Variants in RBM41 observed in about 807,000 individuals in gnomAD.
RBM41 encodes RNA binding motif protein 41, also known as RNA-binding protein 41.
RBM41 carries 14 observed loss-of-function variants against 30.8 expected under a neutral mutation model. The observed-to-expected ratio is 0.45, with a 90% CI of 0.30 to 0.71. The LOEUF (loss-of-function observed/expected upper bound fraction) is 0.71. Among genes scored for constraint, RBM41 ranks in the 30% least tolerant of loss-of-function variants. The probability of loss-of-function intolerance (pLI) is 0.08; values close to 1 mark genes in which losing one functional copy is unlikely to be tolerated. For synonymous variants in RBM41, 120 were observed against 110.1 expected (o/e 1.09, Z -0.56); for missense variants, 276 against 326.3 (o/e 0.85, Z 1.19).
intron 6 of RBM41, among the ~76,000 whole-genome samples, chrX:107,073,783 A>G (rs920361899): frequency 1.8e-5 from 2 of 112,388 alleles, no homozygotes; most frequent in African/African-American, 6.5e-5. Flanking sequence ...AATACTATTC[A>G]GCCATAAAAA....
At chrX:107,055,810 T>C in the RBM41 span, among the ~76,000 whole-genome samples, 504 of 112,440 alleles carry the variant, frequency 4.5e-3, 2 homozygotes, top group African/African-American at 0.016. Context: ...ATCCTTGTGG[T>C]GTGTAGTGGT....
intron 6 of RBM41, among the ~76,000 whole-genome samples, chrX:107,073,788 T>C (rs1232273084): frequency 8.9e-6 from 1 of 112,126 alleles, no homozygotes. Flanking sequence ...TATTCAGCCA[T>C]AAAAATATTG....
chrX:107,052,231 C>T, the RBM41 span, among the ~76,000 whole-genome samples: 1 of 111,364 alleles, frequency 9.0e-6, no homozygotes, highest in Non-Finnish European at 1.9e-5. Flanking sequence ...GGGTTTATAT[C>T]CCGATCATTG....
At position 107,067,246 on chromosome X, in the gene RBM41, T is replaced by A; in HGVS notation, c.*281A>T. ...ACCCCAGAAAAATTATAAAGATTTTTAAAAATCCTTAGGAATAATCCGTTG... is the reference window on the plus strand; with the variant it reads ...ACCCCAGAAAAATTATAAAGATTTTAAAAAATCCTTAGGAATAATCCGTTG... On this transcript the variant is annotated 3_prime_UTR_variant, in exon 8 of 8. Transcript: ENST00000685964. The A allele has an allele frequency of 2.2e-5, 18 of 830,572 alleles. No homozygotes were observed. The highest frequency in any genetic ancestry group is 2.6e-5 in the Non-Finnish European group (18 of 686,880). 68.4% of individuals were successfully genotyped at this position (830,572 alleles called of 1,213,427 possible).
At chrX:107,118,314 C>A (rs1159503325) in intron 1 of RBM41, among the ~76,000 whole-genome samples, 1 of 109,325 alleles carries the variant, frequency 9.1e-6, no homozygotes, top group Non-Finnish European at 1.9e-5. Context: ...GGTTTCGGGG[C>A]CCAAGCAAGT....
rs767490600 is a variant in RBM41, at chrX:107,064,095, G to T, written c.*3432C>A. Among the ~76,000 whole-genome samples, 9 of 108,498 alleles carry T rather than the reference G, an allele frequency of 8.3e-5. No homozygotes were observed. The highest frequency in any genetic ancestry group is 3.0e-4 in the African/African-American group (9 of 29,852). The allele number at this position is 108,498 out of a possible 115,157, so 94.2% of individuals were successfully genotyped here. The stretch of plus-strand genomic sequence containing the variant: ...GCCTCCCGAGTAGCTGGGACTACAG[G>T]TGCCCACGACCACGCCTGGCTAATT... On this transcript the variant is annotated 3_prime_UTR_variant, in exon 8 of 8. Coordinates refer to ENST00000685964, the MANE Select transcript of RBM41 (RefSeq NM_001324242.2).
intron 5 of RBM41, among the ~76,000 whole-genome samples, chrX:107,097,566 T>C (rs1923090045): frequency 9.0e-6 from 1 of 111,601 alleles, no homozygotes; most frequent in African/African-American, 3.3e-5. Context: ...GAAGAAGGTG[T>C]CTGCTTCCCC....
intron 5 of RBM41, among the ~76,000 whole-genome samples, chrX:107,102,669 G>A (rs1163983060): frequency 9.0e-6 from 1 of 111,386 alleles, no homozygotes; most frequent in African/African-American, 3.3e-5. Context: ...CAGGACAAAG[G>A]AAGGATGATT....
At chrX:107,053,534 G>C in the RBM41 span, among the ~76,000 whole-genome samples, 3 of 112,895 alleles carry the variant, frequency 2.7e-5, no homozygotes, top group South Asian at 7.4e-4. Flanking sequence ...TCAGGAACAG[G>C]GATTGAAATG....
chrX:107,089,166 C>A (rs1922304660), intron 5 of RBM41, among the ~76,000 whole-genome samples: 1 of 111,480 alleles, frequency 9.0e-6, no homozygotes, highest in African/African-American at 3.3e-5. Context: ...CATCTAATAC[C>A]AATGTTATGT....
chrX:107,100,490 CAAA>C (rs112960964), intron 5 of RBM41, among the ~76,000 whole-genome samples: 2 of 70,187 alleles, frequency 2.8e-5, no homozygotes. Context: ...GACTCTGTCT[CAAA>C]AAAAAAAAAA....
chrX:107,070,813 G>C (rs890696355), intron 6 of RBM41, among the ~76,000 whole-genome samples: 1 of 110,555 alleles, frequency 9.0e-6, no homozygotes, highest in Non-Finnish European at 1.9e-5. Context: ...CTTGAGTCCA[G>C]GAGTTTGAGA....
intron 5 of RBM41, among the ~76,000 whole-genome samples, chrX:107,095,695 T>C (rs969471343): frequency 1.8e-5 from 2 of 110,870 alleles, no homozygotes; most frequent in Non-Finnish European, 3.8e-5. Flanking sequence ...CACAAGAACA[T>C]GAAAATCATT....
chrX:107,107,469 T>C (rs1425729411), intron 5 of RBM41, among the ~76,000 whole-genome samples: 2 of 111,622 alleles, frequency 1.8e-5, no homozygotes, highest in African/African-American at 6.5e-5. Flanking sequence ...AGGAATGAAA[T>C]AGTGAGCTGA....
chrX:107,086,010 A>G (rs1353209194), intron 6 of RBM41, among the ~76,000 whole-genome samples: 1 of 112,224 alleles, frequency 8.9e-6, no homozygotes, highest in Non-Finnish European at 1.9e-5. Context: ...ATGAAAAAAC[A>G]AACGATTAAA....
chrX:107,102,000 G>A (rs1177798639), intron 5 of RBM41, among the ~76,000 whole-genome samples: 2 of 111,330 alleles, frequency 1.8e-5, no homozygotes, highest in African/African-American at 6.5e-5. Context: ...AGAGACAGTA[G>A]AGAAAGCTGC....
At chrX:107,097,873 G>C (rs966411561) in intron 5 of RBM41, among the ~76,000 whole-genome samples, 7 of 111,427 alleles carry the variant, frequency 6.3e-5, no homozygotes, top group Admixed American at 2.9e-4. Context: ...CAAATTTATG[G>C]AAACAAAGGC....
chrX:107,075,565 T>C (rs1936198328), intron 6 of RBM41, among the ~76,000 whole-genome samples: 1 of 111,875 alleles, frequency 8.9e-6, no homozygotes, highest in African/African-American at 3.2e-5. Context: ...CTCATTAAAA[T>C]ATGGGCAAAA....
intron 5 of RBM41, among the ~76,000 whole-genome samples, chrX:107,110,717 AC>A (rs1351673031): frequency 9.0e-6 from 1 of 111,568 alleles, no homozygotes; most frequent in African/African-American, 3.2e-5. Context: ...AGTAATTAAA[AC>A]AGTGTGGTAC....
Sources: allele counts gnomAD v4.1 joint callset (sites outside exome capture counted in the v4.1 genomes callset), GRCh38; gene constraint gnomAD v4.1.1; transcripts MANE v1.5; gene names NCBI Gene and HGNC (gene_info 2026-07-23, HGNC 2026-07-21).